Variants in FSTL5 observed in about 807,000 individuals in gnomAD.
The protein encoded by FSTL5 is follistatin like 5.
A neutral mutation model predicts 89.1 loss-of-function variants in FSTL5; 62 were observed. The observed-to-expected ratio is 0.70, with a 90% CI of 0.57 to 0.86. The LOEUF (loss-of-function observed/expected upper bound fraction) is 0.86, where lower values mean the gene tolerates loss of function less well. Among genes scored for constraint, FSTL5 ranks in the 40% least tolerant of loss-of-function variants. The pLI is 0.00. For missense variants in FSTL5, 1,057 were observed against 1,001.6 expected, an observed-to-expected ratio of 1.06 and a Z score of -0.75; for synonymous variants, 383 against 346.2, an observed-to-expected ratio of 1.11 and a Z score of -1.18.
intron 6 of FSTL5, among the ~76,000 whole-genome samples, chr4:161,750,844 A>T (rs1238405705): frequency 2.0e-5 from 3 of 152,178 alleles, no homozygotes; most frequent in African/African-American, 7.2e-5. Context: ...CTAAGCTATG[A>T]CTGACAATAT....
At chr4:161,674,141 TAAA>T (rs1486536771) in intron 6 of FSTL5, among the ~76,000 whole-genome samples, 1 of 152,072 alleles carries the variant, frequency 6.6e-6, no homozygotes, top group African/African-American at 2.4e-5. Flanking sequence ...ATAATATACT[TAAA>T]AACGTATTTT....
At chr4:161,404,819 A>G (rs533543941) in intron 15 of FSTL5, among the ~76,000 whole-genome samples, 1 of 152,130 alleles carries the variant, frequency 6.6e-6, no homozygotes, top group Non-Finnish European at 1.5e-5. Flanking sequence ...GTTATGCAAT[A>G]TATAAAAAAA....
chr4:161,707,080 A>G (rs947902713), intron 6 of FSTL5, among the ~76,000 whole-genome samples: 3 of 151,670 alleles, frequency 2.0e-5, no homozygotes, highest in Non-Finnish European at 4.4e-5. Context: ...CACTTATTTC[A>G]GAAAAAAATC....
chr4:162,073,443 A>G (rs139782467), intron 2 of FSTL5, among the ~76,000 whole-genome samples: 5 of 151,924 alleles, frequency 3.3e-5, no homozygotes, highest in Middle Eastern at 3.4e-3. Context: ...ACACATATCA[A>G]TAAGAAACAG....
intron 4 of FSTL5, among the ~76,000 whole-genome samples, chr4:161,862,959 A>G (rs1270155719): frequency 6.6e-6 from 1 of 152,310 alleles, no homozygotes; most frequent in East Asian, 1.9e-4. Context: ...TATCAGTGAT[A>G]ACATTGCAGT....
chr4:161,468,586 A>G (rs1482343956), intron 13 of FSTL5, among the ~76,000 whole-genome samples: 1 of 152,120 alleles, frequency 6.6e-6, no homozygotes, highest in African/African-American at 2.4e-5. Context: ...GAAGATACAC[A>G]TTTTTAGATT....
intron 8 of FSTL5, among the ~76,000 whole-genome samples, chr4:161,556,535 T>C (rs1732399509): frequency 6.6e-6 from 1 of 151,536 alleles, no homozygotes; most frequent in South Asian, 2.1e-4. Context: ...ACTCCAACTC[T>C]ATGAGTGCTT....
intron 8 of FSTL5, among the ~76,000 whole-genome samples, chr4:161,552,866 G>A (rs1227815346): frequency 6.6e-6 from 1 of 151,602 alleles, no homozygotes; most frequent in Non-Finnish European, 1.5e-5. Context: ...GAGGACTGAT[G>A]GCAGCCTGAA....
At chr4:161,577,999 CA>C (rs1022003842) in intron 8 of FSTL5, among the ~76,000 whole-genome samples, 1 of 151,632 alleles carries the variant, frequency 6.6e-6, no homozygotes, top group African/African-American at 2.4e-5. Context: ...TTTAAAGTCT[CA>C]AAAAGATTAA....
chr4:161,520,541 A>G (rs1007445531), intron 10 of FSTL5, among the ~76,000 whole-genome samples: 1 of 152,122 alleles, frequency 6.6e-6, no homozygotes, highest in Non-Finnish European at 1.5e-5. Context: ...CACATAGTTT[A>G]TAATTCAACT....
chr4:161,499,967 T>C (rs769905674), intron 12 of FSTL5, 49 bp downstream of exon 12: 3 of 1,070,396 alleles, frequency 2.8e-6, no homozygotes, highest in Non-Finnish European at 4.3e-6. Context: ...GTAATTCTAC[T>C]TAACAAAATT....
intron 3 of FSTL5, among the ~76,000 whole-genome samples, chr4:161,947,218 A>C (rs1734761100): frequency 6.6e-6 from 1 of 151,416 alleles, no homozygotes; most frequent in South Asian, 2.1e-4. Flanking sequence ...TCCTCAATAG[A>C]GCATTTTGAT....
chr4:161,691,026 C>A (rs1199740216), intron 6 of FSTL5, among the ~76,000 whole-genome samples: 1 of 152,066 alleles, frequency 6.6e-6, no homozygotes, highest in East Asian at 1.9e-4. Flanking sequence ...TGTTTATGTA[C>A]CACATTTTCT....
At chr4:162,110,506 A>G (rs1344324380) in intron 2 of FSTL5, among the ~76,000 whole-genome samples, 4 of 151,884 alleles carry the variant, frequency 2.6e-5, no homozygotes, top group Non-Finnish European at 4.4e-5. Context: ...GACAAGTTGA[A>G]TACGAAATTT....
Position 161,526,445 on chromosome 4 carries a change from T to C in FSTL5, c.1312+11721A>G, listed in dbSNP as rs528191501. 3.4e-3 allele frequency among the ~76,000 whole-genome samples: 522 copies of C among 152,292 alleles called. 6 individuals carry two copies. Among genetic ancestry groups the C allele is most frequent in the Non-Finnish European group, 5.9e-3 (403 of 67,998 alleles). ...ACAGTACATCAATTTAGGGGAAAGA[T>C]ATACAAATGGGCATACCATTTTACT... On this transcript the variant is annotated intron_variant, in intron 10 of 15. Transcript: ENST00000306100.
chr4:161,469,058 C>A (rs964289818), intron 13 of FSTL5, among the ~76,000 whole-genome samples: 2 of 152,130 alleles, frequency 1.3e-5, no homozygotes, highest in African/African-American at 4.8e-5. Context: ...CCATTATAGT[C>A]ATTAAACAAC....
At chr4:162,126,415 C>T (rs72984790) in intron 1 of FSTL5, among the ~76,000 whole-genome samples, 14,740 of 152,094 alleles carry the variant, frequency 0.097, 908 homozygotes, top group African/African-American at 0.17. Flanking sequence ...TGAGATGTCT[C>T]CTGTTAATCT....
intron 3 of FSTL5, among the ~76,000 whole-genome samples, chr4:161,921,947 A>C (rs930125182): frequency 6.6e-6 from 1 of 152,070 alleles, no homozygotes; most frequent in Non-Finnish European, 1.5e-5. Flanking sequence ...AAGGACATAA[A>C]TATGTGAATG....
intron 3 of FSTL5, among the ~76,000 whole-genome samples, chr4:161,965,376 T>C (rs577276556): frequency 2.4e-4 from 36 of 152,238 alleles, no homozygotes; most frequent in Admixed American, 2.1e-3. Context: ...AGTTTTGGTG[T>C]CTTCCCCTTG....
Sources: gnomAD v4.1 joint callset for allele counts (sites outside exome capture counted in the v4.1 genomes callset) on GRCh38, gnomAD v4.1.1 for gene constraint, MANE v1.5 for transcripts, NCBI Gene and HGNC (gene_info 2026-07-23, HGNC 2026-07-21) for gene names.